The following LARP4 variants were observed in gnomAD, a reference collection of about 807,000 sequenced individuals.
LARP4 encodes La ribonucleoprotein 4.
LARP4 carries 29 observed loss-of-function variants against 92.9 expected under a neutral mutation model. That is an observed-to-expected ratio of 0.31 (90% confidence interval 0.23 to 0.43). The LOEUF is 0.43. Ranked by LOEUF, LARP4 falls within the 20% of genes least tolerant of loss-of-function variation. The probability of loss-of-function intolerance (pLI) is 1.00; values close to 1 mark genes in which losing one functional copy is unlikely to be tolerated. For synonymous variants in LARP4, 279 were observed against 284.1 expected (o/e 0.98, Z 0.18); for missense variants, 732 against 860.0 (o/e 0.85, Z 1.86).
Position 50,478,032 on chromosome 12 carries a change from T to A in LARP4, c.*2168T>A, listed in dbSNP as rs764382874. The stretch of plus-strand genomic sequence containing the variant: ...ACTTAAAATGAAACATTACTTTTTT[T>A]AAACAATGTGTCACAAATGTAGGTC... On this transcript the variant is annotated 3_prime_UTR_variant, in exon 16 of 16. Coordinates refer to ENST00000398473, the MANE Select transcript of LARP4 (RefSeq NM_052879.5). 4 of 152,642 alleles carry A rather than the reference T, an allele frequency of 2.6e-5. No homozygotes were observed. The highest frequency in any genetic ancestry group is 2.0e-4 in the Admixed American group (3 of 15,296). 9.5% of individuals were successfully genotyped at this position (152,642 alleles called of 1,614,324 possible).
At chr12:50,474,628 T>G (rs1050119797) in intron 15 of LARP4, among the ~76,000 whole-genome samples, 1 of 152,230 alleles carries the variant, frequency 6.6e-6, no homozygotes, top group African/African-American at 2.4e-5. Flanking sequence ...ATTACATGCG[T>G]GAGCCACCGC....
intron 4 of LARP4, among the ~76,000 whole-genome samples, chr12:50,431,757 A>G (rs1052975639): frequency 6.6e-5 from 10 of 152,120 alleles, no homozygotes; most frequent in African/African-American, 2.2e-4. Flanking sequence ...GCAGCAGGAG[A>G]ATCACTTGAA....
intron 11 of LARP4, chr12:50,461,596 A>G (rs1955393760): frequency 7.5e-6 from 3 of 397,446 alleles, no homozygotes; most frequent in Admixed American, 8.8e-5. Context: ...TAGCTCATAT[A>G]AGAAAGAATA....
chr12:50,405,138 A>G (rs1004206608), intron 1 of LARP4, among the ~76,000 whole-genome samples: 1 of 151,104 alleles, frequency 6.6e-6, no homozygotes, highest in African/African-American at 2.4e-5. Flanking sequence ...ACCTCAAGTG[A>G]TCCGCCCGCC....
At chr12:50,469,185 A>G (rs910753884) in intron 13 of LARP4, among the ~76,000 whole-genome samples, 3 of 152,150 alleles carry the variant, frequency 2.0e-5, no homozygotes, top group Non-Finnish European at 4.4e-5. Flanking sequence ...CTTTGAAGGT[A>G]TTATTCCACT....
At position 50,421,231 on chromosome 12, in the gene LARP4, G is replaced by T. The variant is rs1042068555; in HGVS notation, c.19-6531G>T. 7 of 980,458 alleles carry T rather than the reference G, an allele frequency of 7.1e-6. No homozygotes were observed. The African/African-American group carries it at 1.2e-4, about 17-fold the overall frequency. 60.7% of individuals were successfully genotyped at this position (980,458 alleles called of 1,614,324 possible). ...CTCAAAGTGCTTTGATTACAGGCGTGAGCCACCGTACCCAGCCGGCTTTTA... is the reference window on the plus strand; with the variant it reads ...CTCAAAGTGCTTTGATTACAGGCGTTAGCCACCGTACCCAGCCGGCTTTTA... On this transcript the variant is annotated intron_variant, in intron 1 of 15. Transcript: ENST00000398473.
intron 7 of LARP4, chr12:50,441,374 G>T: frequency 2.6e-6 from 1 of 383,638 alleles, no homozygotes. Flanking sequence ...AATGCATTTT[G>T]TCTGCAGTAA....
In LARP4 at chr12:50,423,957, T is replaced by C. The variant is rs551923017; in HGVS notation, c.19-3805T>C. On this transcript the variant is annotated intron_variant, in intron 1 of 15. Transcript: ENST00000398473. The stretch of plus-strand genomic sequence containing the variant: ...GTTTAGTAGAGACAGGGTTTCACCA[T>C]GTTGGCCAGGCTCATCTTGAACTCC... 3.8e-3 allele frequency among the ~76,000 whole-genome samples: 573 copies of C among 152,282 alleles called. 4 individuals are homozygous for C. Among genetic ancestry groups the C allele is most frequent in the African/African-American group, 0.013 (536 of 41,574 alleles).
At chr12:50,402,724 A>T in intron 1 of LARP4, 1 of 452,054 alleles carries the variant, frequency 2.2e-6, no homozygotes, top group Middle Eastern at 3.3e-4. Context: ...TAGTAAAAGT[A>T]AAGTAGTTTA....
rs758496893 is a variant in LARP4, at chr12:50,467,017, C to T, written c.1442C>T (p.Ala481Val). The T allele has an allele frequency of 6.2e-7, 1 of 1,613,592 alleles. No individual in the cohort carries two copies. ...CCAACACCAAAGTTTGACTTATTAG[C>T]CTCAAATTTTCCACCTTTACCTGGA... ...KAPTPKFDLLASNFPPLPGSS... is the reference protein window; with the variant it reads ...KAPTPKFDLLVSNFPPLPGSS... Residue 481 changes from alanine (A) to valine (V), a missense_variant, in exon 13 of 16, where the codon GCC becomes GTC. Transcript: ENST00000398473.
At chr12:50,448,316 GC>G (rs1952567320) in intron 8 of LARP4, among the ~76,000 whole-genome samples, 1 of 152,064 alleles carries the variant, frequency 6.6e-6, no homozygotes, top group African/African-American at 2.4e-5. Context: ...ATGATTTGCA[GC>G]CATCACTGCC....
chr12:50,437,713 T>C, intron 5 of LARP4, 22 bp from the exon 6 acceptor site: 1 of 1,367,408 alleles, frequency 7.3e-7, no homozygotes, highest in Non-Finnish European at 1.0e-6. Context: ...GTTTGAGTGA[T>C]ACCCTTTCTT....
At chr12:50,444,312 C>G (rs1015150014) in intron 8 of LARP4, among the ~76,000 whole-genome samples, 13 of 151,400 alleles carry the variant, frequency 8.6e-5, no homozygotes, top group African/African-American at 3.2e-4. Context: ...TTCCTTATAC[C>G]TCCCATTTCT....
At chr12:50,429,363 G>A (rs904457828) in intron 3 of LARP4, among the ~76,000 whole-genome samples, 1 of 151,946 alleles carries the variant, frequency 6.6e-6, no homozygotes, top group Non-Finnish European at 1.5e-5. Flanking sequence ...TAATCCCAGC[G>A]CTTTAGGAGG....
rs780839088 is a variant in LARP4, at chr12:50,474,179, A to G, written c.1836+12A>G. 5.1e-6 allele frequency: 8 copies of G among 1,570,544 alleles called. No individual in the cohort carries two copies. The highest frequency in any genetic ancestry group is 1.8e-4 in the Middle Eastern group (1 of 5,484). On this transcript the variant is annotated intron_variant, in intron 15 of 15. Coordinates refer to ENST00000398473, the MANE Select transcript of LARP4 (RefSeq NM_052879.5). ...CTGTGGCTCTACAGGTAACTTGAAGATTTTAGTTTATGTTAAAAAAAATAC... is the reference window on the plus strand; with the variant it reads ...CTGTGGCTCTACAGGTAACTTGAAGGTTTTAGTTTATGTTAAAAAAAATAC...
chr12:50,442,855 C>T (rs1162772842), intron 8 of LARP4, among the ~76,000 whole-genome samples: 1 of 152,178 alleles, frequency 6.6e-6, no homozygotes, highest in Non-Finnish European at 1.5e-5. Context: ...TAAGAACTTA[C>T]CATATTTAAA....
At chr12:50,468,013 C>T (rs909007856) in intron 13 of LARP4, among the ~76,000 whole-genome samples, 1 of 151,910 alleles carries the variant, frequency 6.6e-6, no homozygotes, top group Admixed American at 6.6e-5. Context: ...TGGAGTCTTG[C>T]TCTGTAACCT....
chr12:50,421,193 C>T (rs926454360), intron 1 of LARP4: 4 of 596,286 alleles, frequency 6.7e-6, no homozygotes, highest in Non-Finnish European at 4.2e-6. Context: ...TCATGATCTG[C>T]CCGCCTTGGC....
At chr12:50,443,247 C>A (rs1951501887) in intron 8 of LARP4, among the ~76,000 whole-genome samples, 1 of 152,016 alleles carries the variant, frequency 6.6e-6, no homozygotes. Context: ...CTTCCCTGAA[C>A]CAATATGGCT....
Sources: gnomAD v4.1 joint callset for allele counts (sites outside exome capture counted in the v4.1 genomes callset) on GRCh38, gnomAD v4.1.1 for gene constraint, MANE v1.5 for transcripts, NCBI Gene and HGNC (gene_info 2026-07-23, HGNC 2026-07-21) for gene names.